The following MCF2L variants were observed in gnomAD, a reference collection of about 807,000 sequenced individuals.
MCF2L encodes guanine nucleotide exchange factor DBS.
MCF2L carries 97 observed loss-of-function variants against 153.4 expected under a neutral mutation model. That is an observed-to-expected ratio of 0.63 (90% CI 0.54 to 0.75). The LOEUF (loss-of-function observed/expected upper bound fraction) is 0.75. Among genes scored for constraint, MCF2L ranks in the 30% least tolerant of loss-of-function variants. The pLI, the probability that MCF2L is intolerant of heterozygous loss-of-function variation, is 0.00. For synonymous variants in MCF2L, 659 were observed against 632.2 expected (o/e 1.04, Z -0.64); for missense variants, 1,347 against 1,495.2 (o/e 0.90, Z 1.64).
At chr13:112,929,636 G>A (rs988971365) in intron 2 of MCF2L, among the ~76,000 whole-genome samples, 1 of 152,206 alleles carries the variant, frequency 6.6e-6, no homozygotes, top group African/African-American at 2.4e-5. Flanking sequence ...GAATCACCAG[G>A]TGGGTGGAGC....
chr13:113,031,418 G>A lies in MCF2L; in HGVS notation c.278+6660G>A, dbSNP rs75072310. Reference sequence around the variant, plus strand: ...GGCGCCAGCGGCATCTTTGGGGGCAGCGAACGCACCAGGGGGCAGGACAGA... The same window carrying A: ...GGCGCCAGCGGCATCTTTGGGGGCAACGAACGCACCAGGGGGCAGGACAGA... On this transcript the variant is annotated intron_variant, in intron 3 of 29. Transcript: ENST00000535094. The surrounding 1 kb of genome is among the most constrained non-coding windows in gnomAD (Gnocchi z 5.5). 0.02 allele frequency among the ~76,000 whole-genome samples: 2,977 copies of A among 152,284 alleles called. 81 individuals are homozygous for A. The highest frequency in any genetic ancestry group is 0.067 in the African/African-American group (2,780 of 41,536).
chr13:113,036,102 G>A (rs998984877), intron 3 of MCF2L, among the ~76,000 whole-genome samples: 42 of 152,262 alleles, frequency 2.8e-4, no homozygotes, highest in East Asian at 7.7e-4. Flanking sequence ...GACAACACTC[G>A]TGTCTATAAT....
rs77599782 is a variant in MCF2L at position 113,046,432 on chromosome 13, C to T, written c.369+1071C>T. ...CCAAACCCCAGTGAAGTCAGATTCT[C>T]CCAGTGAAGTCAGATTCTCCTGGCC... On this transcript the variant is annotated intron_variant, in intron 4 of 29. Transcript: ENST00000535094. This position sits in a 1 kb window ranked among gnomAD's most constrained non-coding sequence, Gnocchi z 4.4. 0.035 allele frequency: 16,048 copies of T among 456,240 alleles called. 1,123 individuals carry two copies. The highest frequency in any genetic ancestry group is 0.31 in the East Asian group (5,513 of 17,710). 28.3% of individuals were successfully genotyped at this position (456,240 alleles called of 1,614,324 possible). A position where few individuals can be genotyped will look rare whatever the true frequency, so the allele number is the denominator to read the frequency against.
chr13:112,979,526 C>T, intron 1 of MCF2L: 8 of 1,490,540 alleles, frequency 5.4e-6, no homozygotes, highest in Non-Finnish European at 7.1e-6. Context: ...CTCTTGTGAC[C>T]ATGCGGCACC....
chr13:112,950,005 CAA>C (rs35902584), intron 2 of MCF2L, among the ~76,000 whole-genome samples: 1 of 122,758 alleles, frequency 8.1e-6, no homozygotes. Context: ...AAGGATTCTA[CAA>C]AAAAAAAAAA....
intron 2 of MCF2L, among the ~76,000 whole-genome samples, chr13:112,947,978 G>A (rs910395009): frequency 2.0e-5 from 3 of 152,232 alleles, no homozygotes; most frequent in African/African-American, 4.8e-5. Context: ...TTAGCACCAC[G>A]TGGACTCTGC....
At chr13:112,917,783 T>C (rs998685378) in intron 2 of MCF2L, among the ~76,000 whole-genome samples, 2 of 152,198 alleles carry the variant, frequency 1.3e-5, no homozygotes, top group African/African-American at 2.4e-5. Flanking sequence ...CATGTGATTT[T>C]CCCTTCTCTT....
At chr13:113,022,200 C>A (rs1275871679) in intron 2 of MCF2L, among the ~76,000 whole-genome samples, 12 of 151,706 alleles carry the variant, frequency 7.9e-5, no homozygotes, top group Admixed American at 7.2e-4. Context: ...GAGCCACTCT[C>A]CACCTCTGTG....
rs2081599811 is a variant in MCF2L at position 112,943,575 on chromosome 13, C to T, written c.169+41204C>T. Among the ~76,000 whole-genome samples the T allele has an allele frequency of 6.6e-6, 1 of 151,984 alleles. No individual in the cohort carries two copies. The highest frequency in any genetic ancestry group is 1.5e-5 in the Non-Finnish European group (1 of 67,964). On this transcript the variant is annotated intron_variant, in intron 2 of 29. Transcript: ENST00000375608. This position sits in a 1 kb window ranked among gnomAD's most constrained non-coding sequence, Gnocchi z 4.2. ...CGCAGCCAGAGCCGAGACTCCGCGC[C>T]TTTCAAGGAGGAGGCCCCGTGCAGG...
At chr13:113,020,262 C>T (rs3011520) in intron 2 of MCF2L, among the ~76,000 whole-genome samples, 67,569 of 152,080 alleles carry the variant, frequency 0.44, 15,409 homozygotes, top group South Asian at 0.68. Context: ...TTTCTAAAGC[C>T]GTGTTTGGGC....
chr13:113,073,549 A>G (rs930499198), intron 9 of MCF2L, among the ~76,000 whole-genome samples: 1 of 152,146 alleles, frequency 6.6e-6, no homozygotes, highest in African/African-American at 2.4e-5. Flanking sequence ...CTGCGTACAC[A>G]CCCATTCTCA....
rs2035712367 is a variant in MCF2L at position 113,096,836 on chromosome 13, C to T, written c.3355C>T (p.Pro1119Ser). Residue 1119 changes from proline (P) to serine (S), a missense_variant, in exon 30 of 30, where the codon CCC becomes TCC. Transcript: ENST00000535094. ...CAGCTGCAGCGAGGGCGGCCAGGCC[C>T]CCTTCTCCGACCTGCAGGGGTAGCG... ...SSSCSEGGQAPFSDLQG is the reference protein window; with the variant it reads ...SSSCSEGGQASFSDLQG 2.6e-6 allele frequency: 4 copies of T among 1,514,730 alleles called. No homozygotes were observed. Among genetic ancestry groups the T allele is most frequent in the Non-Finnish European group, 3.5e-6 (4 of 1,141,972 alleles). 93.8% of individuals were successfully genotyped at this position (1,514,730 alleles called of 1,614,324 possible). A position where few individuals can be genotyped will look rare whatever the true frequency, so the allele number is the denominator to read the frequency against.
chr13:112,962,732 C>A (rs1444595609), intron 2 of MCF2L, among the ~76,000 whole-genome samples: 2 of 152,186 alleles, frequency 1.3e-5, no homozygotes, highest in Admixed American at 6.5e-5. Flanking sequence ...GAGGGAAGGC[C>A]CCAACCCCTA....
Position 113,002,119 on chromosome 13 carries a change from G to A in MCF2L, c.80-12644G>A, listed in dbSNP as rs1033771134. 1.0e-5 allele frequency: 11 copies of A among 1,059,094 alleles called. No individual in the cohort carries two copies. In the South Asian group the frequency reaches 2.1e-4, roughly 20 times the overall value. The allele number at this position is 1,059,094 out of a possible 1,614,324, so 65.6% of individuals were successfully genotyped here. A position where few individuals can be genotyped will look rare whatever the true frequency, so the allele number is the denominator to read the frequency against. ...TGCTGGGGCAGAAGCCCGGGGCTGG[G>A]GGATGCCGGGGATGGATGTTGGGGT... On this transcript the variant is annotated intron_variant, in intron 1 of 29. Coordinates refer to ENST00000535094, the MANE Select transcript of MCF2L (RefSeq NM_001112732.3).
intron 1 of MCF2L, among the ~76,000 whole-genome samples, chr13:112,974,534 C>T (rs955357630): frequency 1.3e-5 from 2 of 152,140 alleles, no homozygotes; most frequent in Admixed American, 1.3e-4. Context: ...ATTTTGCAGA[C>T]GTTCTGGGGA....
At chr13:112,929,653 C>G (rs1253040637) in intron 2 of MCF2L, among the ~76,000 whole-genome samples, 2 of 152,244 alleles carry the variant, frequency 1.3e-5, no homozygotes, top group Non-Finnish European at 2.9e-5. Context: ...GAGCTCCAGA[C>G]CCTGGCCCCT....
At chr13:112,968,143 G>GGC (rs1491489541), upstream of MCF2L, among the ~76,000 whole-genome samples, 15 of 5,192 alleles carry the variant, frequency 2.9e-3, no homozygotes, top group East Asian at 0.028. Context: ...GGAGTGAGGT[G>GGC]GGGGGGGGGG....
intron 1 of MCF2L, among the ~76,000 whole-genome samples, chr13:112,896,546 C>T (rs557367952): frequency 1.3e-5 from 2 of 151,978 alleles, no homozygotes; most frequent in Non-Finnish European, 2.9e-5. Context: ...GGAGATGAGT[C>T]GTGTAGATAG....
At chr13:113,037,430 G>A (rs1206194239) in intron 3 of MCF2L, among the ~76,000 whole-genome samples, 2 of 152,170 alleles carry the variant, frequency 1.3e-5, no homozygotes, top group African/African-American at 4.8e-5. Flanking sequence ...GCAGAGCATG[G>A]GGTCGGAGAC....
Sources: gnomAD v4.1 joint callset for allele counts (sites outside exome capture counted in the v4.1 genomes callset) on GRCh38, gnomAD v4.1.1 for gene constraint, Gnocchi (gnomAD v3.1) non-coding constraint, MANE v1.5 for transcripts, NCBI Gene and HGNC (gene_info 2026-07-23, HGNC 2026-07-21) for gene names.